Variants in COL4A3 observed in about 807,000 individuals in gnomAD.
The protein encoded by COL4A3 is collagen type IV alpha 3 chain.
In COL4A3, 135 loss-of-function variants were observed where a neutral mutation model predicts 217.4. That is an observed-to-expected ratio of 0.62 (90% CI 0.54 to 0.72). The LOEUF (loss-of-function observed/expected upper bound fraction) is 0.72. COL4A3 is among the 30% of genes least tolerant of loss of function. The pLI is 0.00. For missense variants in COL4A3, 1,868 were observed against 2,119.9 expected, an observed-to-expected ratio of 0.88 and a Z score of 2.33; for synonymous variants, 690 against 736.3, an observed-to-expected ratio of 0.94 and a Z score of 1.02.
At chr2:227,309,829 A>G (rs1456284993) in intron 50 of COL4A3, among the ~76,000 whole-genome samples, 5 of 151,882 alleles carry the variant, frequency 3.3e-5, no homozygotes. Context: ...GTTTCACCAT[A>G]TTGCCCAGGC....
Position 227,269,892 on chromosome 2 carries a change from T to A in COL4A3, c.1505-18T>A. 1 of 1,612,138 alleles carries A rather than the reference T, an allele frequency of 6.2e-7. No homozygotes were observed. Among genetic ancestry groups the A allele is most frequent in the South Asian group, 1.1e-5 (1 of 91,026 alleles). On this transcript the variant is annotated intron_variant, in intron 23 of 51. Transcript: ENST00000396578. ...TGGCGTTCAATGAGGAGTTAGTTAA[T>A]AATTCGTTGATTTGCAGGAAGACAA...
chr2:227,261,730 T>C (rs575704353), intron 20 of COL4A3, among the ~76,000 whole-genome samples: 6 of 152,280 alleles, frequency 3.9e-5, no homozygotes, highest in African/African-American at 1.4e-4. Flanking sequence ...TCAGAGGAGG[T>C]ACAGAAATAG....
intron 14 of COL4A3, among the ~76,000 whole-genome samples, chr2:227,254,418 T>C (rs2070018125): frequency 6.6e-6 from 1 of 152,180 alleles, no homozygotes; most frequent in Non-Finnish European, 1.5e-5. Flanking sequence ...CTAGCTGAAA[T>C]CCTTGCACTG....
intron 1 of COL4A3, among the ~76,000 whole-genome samples, chr2:227,184,701 G>A (rs369770109): frequency 6.6e-6 from 1 of 151,760 alleles, no homozygotes; most frequent in African/African-American, 2.4e-5. Flanking sequence ...AAATAGTGAG[G>A]TATCAAGTTA....
Position 227,293,322 on chromosome 2 carries a change from G to A in COL4A3, c.3337+5G>A. On this transcript the variant is annotated splice_donor_5th_base_variant and intron_variant, in intron 38 of 51. Transcript: ENST00000396578. Reference sequence around the variant, plus strand: ...CTGGAAGTCCTGGCCTCCCAGGTAAGGCTTGAGTTTACAATTCTAAAAGCT... The same window carrying A: ...CTGGAAGTCCTGGCCTCCCAGGTAAAGCTTGAGTTTACAATTCTAAAAGCT... 1.2e-6 allele frequency: 2 copies of A among 1,613,754 alleles called. No homozygotes were observed. The highest frequency in any genetic ancestry group is 3.4e-4 in the Middle Eastern group (2 of 5,860).
Position 227,294,947 on chromosome 2 carries a change from T to C in COL4A3, c.3419-17T>C, listed in dbSNP as rs767880301. On this transcript the variant is annotated splice_polypyrimidine_tract_variant and intron_variant, in intron 39 of 51. Transcript: ENST00000396578. ...TACCATAGTTTGGGGTTTTTGGGTT[T>C]TTTTTTTTTTTTTCAGGTCTTCCAG... 1 of 1,194,012 alleles carries C rather than the reference T, an allele frequency of 8.4e-7. No individual in the cohort carries two copies. Among genetic ancestry groups the C allele is most frequent in the East Asian group, 3.8e-5 (1 of 26,280 alleles). The allele number at this position is 1,194,012 out of a possible 1,614,324, so 74.0% of individuals were successfully genotyped here.
chr2:227,201,227 G>A (rs1223495556), intron 1 of COL4A3, among the ~76,000 whole-genome samples: 1 of 152,152 alleles, frequency 6.6e-6, no homozygotes, highest in Non-Finnish European at 1.5e-5. Context: ...GAGATTTTCT[G>A]TGAGAAAAAC....
chr2:227,240,072 T>C (rs2068932956), intron 2 of COL4A3, 71 bp from the exon 3 acceptor site: 10 of 1,191,250 alleles, frequency 8.4e-6, no homozygotes, highest in African/African-American at 1.5e-5. Flanking sequence ...GAGAACATAA[T>C]GGTTATTGGT....
At position 227,272,981 on chromosome 2, in the gene COL4A3, T is replaced by TC. The variant is rs750505716; in HGVS notation, c.1793dup (p.Gly599ArgfsTer47). The TC allele has an allele frequency of 6.2e-7, 1 of 1,614,098 alleles. No homozygotes were observed. Among genetic ancestry groups the TC allele is most frequent in the South Asian group, 1.1e-5 (1 of 91,078 alleles). ...GTGGTGAGAAAGGGGACCAAGGTCCTCCAGGGGATCCTGGCTCCCCTGGGT... is the reference window on the plus strand; with the variant it reads ...GTGGTGAGAAAGGGGACCAAGGTCCTCCCAGGGGATCCTGGCTCCCCTGGGT... On this transcript the variant is annotated frameshift_variant, in exon 26 of 52. Coordinates refer to ENST00000396578, the MANE Select transcript of COL4A3 (RefSeq NM_000091.5). LOFTEE classifies it high-confidence loss of function.
rs969038266 is a variant in COL4A3 at position 227,250,967 on chromosome 2, G to A, written c.547-173G>A. Among the ~76,000 whole-genome samples the A allele has an allele frequency of 6.6e-6, 1 of 152,234 alleles. No homozygotes were observed. Among genetic ancestry groups the A allele is most frequent in the Non-Finnish European group, 1.5e-5 (1 of 68,046 alleles). Reference sequence around the variant, plus strand: ...ATCGTCCAGTTGGTCCTGCCAGCCTGTTACACATGGCAACACTTTTTGATG... The same window carrying A: ...ATCGTCCAGTTGGTCCTGCCAGCCTATTACACATGGCAACACTTTTTGATG... On this transcript the variant is annotated intron_variant, in intron 9 of 51. Coordinates refer to ENST00000396578, the MANE Select transcript of COL4A3 (RefSeq NM_000091.5). The surrounding 1 kb of genome is among the most constrained non-coding windows in gnomAD (Gnocchi z 4.1).
rs558802416 is a variant in COL4A3, at chr2:227,243,379, A to T, written c.235-941A>T. ...GATGTTTTAGATTTACAAGATTCCT[A>T]TCTTAATTTTAAATGTTTTCTGCAT... On this transcript the variant is annotated intron_variant, in intron 3 of 51. Coordinates refer to ENST00000396578, the MANE Select transcript of COL4A3 (RefSeq NM_000091.5). Among the ~76,000 whole-genome samples the T allele has an allele frequency of 3.9e-5, 6 of 152,368 alleles. No individual in the cohort carries two copies. The South Asian group carries it at 6.2e-4, about 16-fold the overall frequency.
chr2:227,244,863 C>A, intron 4 of COL4A3, 88 bp from the exon 5 acceptor site: 1 of 1,325,162 alleles, frequency 7.5e-7, no homozygotes, highest in South Asian at 1.2e-5. Context: ...AAAAGATTAT[C>A]GCAATGGTAA....
In COL4A3 at chr2:227,191,717, G is replaced by A. The variant is rs1261526693; in HGVS notation, c.87+26904G>A. Among the ~76,000 whole-genome samples, 1 of 152,116 alleles carries A rather than the reference G, an allele frequency of 6.6e-6. No homozygotes were observed. Among genetic ancestry groups the A allele is most frequent in the African/African-American group, 2.4e-5 (1 of 41,422 alleles). On this transcript the variant is annotated intron_variant, in intron 1 of 51. Transcript: ENST00000396578. The surrounding 1 kb of genome is among the most constrained non-coding windows in gnomAD (Gnocchi z 6.8). ...AGACAACTGTGTTTACAACTACTGGGCATATCTCAGGTTACCTTAAATGAA... is the reference window on the plus strand; with the variant it reads ...AGACAACTGTGTTTACAACTACTGGACATATCTCAGGTTACCTTAAATGAA...
At chr2:227,225,574 G>A (rs2068041364) in intron 1 of COL4A3, among the ~76,000 whole-genome samples, 1 of 152,156 alleles carries the variant, frequency 6.6e-6, no homozygotes, top group East Asian at 1.9e-4. Context: ...GGCTAATTTA[G>A]TGGTTCCCAG....
intron 34 of COL4A3, among the ~76,000 whole-genome samples, chr2:227,284,690 C>T (rs1217651214): frequency 6.6e-6 from 1 of 152,136 alleles, no homozygotes; most frequent in African/African-American, 2.4e-5. Flanking sequence ...CATTAAAAAA[C>T]TTTTCTGGCT....
chr2:227,272,800 C>A, intron 25 of COL4A3, 149 bp from the exon 26 acceptor site: 1 of 885,884 alleles, frequency 1.1e-6, no homozygotes, highest in Non-Finnish European at 1.8e-6. Context: ...AGTGCTCTTA[C>A]TTTAGTAATA....
At chr2:227,184,288 T>G (rs756666545) in intron 1 of COL4A3, among the ~76,000 whole-genome samples, 15 of 152,234 alleles carry the variant, frequency 9.9e-5, no homozygotes, top group Non-Finnish European at 2.1e-4. Flanking sequence ...GACAAGGGAA[T>G]GCGGAGACTG....
rs12620824 is a variant in COL4A3, at chr2:227,221,694, G to A, written c.88-16274G>A. Among the ~76,000 whole-genome samples the A allele has an allele frequency of 6.5e-3, 460 of 70,472 alleles. 1 individual carries two copies. The highest frequency in any genetic ancestry group is 0.017 in the African/African-American group (437 of 25,390). 46.2% of individuals were successfully genotyped at this position (70,472 alleles called of 152,430 possible). ...TTCTTGGCAATTATAATTAGTTAAC[G>A]TGTGTATTATACATATATATTTATC... On this transcript the variant is annotated intron_variant, in intron 1 of 51. Transcript: ENST00000396578.
chr2:227,240,336 CTGCTAGG>C, intron 3 of COL4A3, 104 bp downstream of exon 3: 1 of 1,076,424 alleles, frequency 9.3e-7, no homozygotes, highest in Non-Finnish European at 1.4e-6. Context: ...TCTTAGCCAA[CTGCTAGG>C]TGCATGGTGA....
Sources: gnomAD v4.1 joint callset for allele counts (sites outside exome capture counted in the v4.1 genomes callset) on GRCh38, gnomAD v4.1.1 for gene constraint, Gnocchi (gnomAD v3.1) non-coding constraint, MANE v1.5 for transcripts, NCBI Gene and HGNC (gene_info 2026-07-23, HGNC 2026-07-21) for gene names.